Variants in EFHB observed in about 807,000 individuals in gnomAD.
EFHB encodes the protein EF-hand domain-containing family member B.
Under a neutral mutation model 87.2 loss-of-function variants are expected in EFHB, and 91 were observed. The ratio of observed to expected loss-of-function variants is 1.04; its 90% CI spans 0.88 to 1.24. The LOEUF (loss-of-function observed/expected upper bound fraction) is 1.24. Among genes scored for constraint, EFHB ranks in the 50% most tolerant of loss-of-function variants. The pLI, the probability that EFHB is intolerant of heterozygous loss-of-function variation, is 0.00. For missense variants in EFHB, 1,084 were observed against 998.8 expected, an observed-to-expected ratio of 1.09 and a Z score of -1.15; for synonymous variants, 325 against 333.6, an observed-to-expected ratio of 0.97 and a Z score of 0.28.
Position 19,879,716 on chromosome 3 carries a change from C to T in EFHB, c.2417G>A (p.Arg806Lys), listed in dbSNP as rs371981707. ...GATGTTCTCAACACAAACTTCTCCT[C>T]TGTGATGCTTTTTTGATGCAAGATT... ...VWNLASKKHH[R>K]GEVCVENIRN... The change falls in exon 13 of 13, where the codon AGA becomes AAA. Residue 806 changes from arginine to lysine, a missense_variant. Physicochemically the swap from Arg to Lys is conservative, Grantham distance 26. Transcript: ENST00000295824. 6.8e-6 allele frequency: 11 copies of T among 1,610,932 alleles called. No individual in the cohort carries two copies. The highest frequency in any genetic ancestry group is 9.3e-6 in the Non-Finnish European group (11 of 1,179,240).
chr3:19,913,359 A>G (rs1403474944), intron 5 of EFHB, among the ~76,000 whole-genome samples: 1 of 152,228 alleles, frequency 6.6e-6, no homozygotes, highest in Non-Finnish European at 1.5e-5. Flanking sequence ...TACAAGATAC[A>G]AAATAAACAT....
chr3:19,925,741 G>A (rs1270468848), intron 1 of EFHB, among the ~76,000 whole-genome samples: 1 of 152,084 alleles, frequency 6.6e-6, no homozygotes, highest in East Asian at 1.9e-4. Context: ...AGTCAACTCA[G>A]GAAGGTTGAT....
At chr3:19,902,653 A>G (rs766504050) in intron 6 of EFHB, among the ~76,000 whole-genome samples, 36 of 151,934 alleles carry the variant, frequency 2.4e-4, no homozygotes, top group Non-Finnish European at 4.9e-4. Flanking sequence ...TGCCCAGCCA[A>G]TAGAGATCCT....
intron 9 of EFHB, among the ~76,000 whole-genome samples, chr3:19,896,057 GAA>G (rs1694471517): frequency 1.3e-5 from 2 of 152,154 alleles, no homozygotes; most frequent in African/African-American, 4.8e-5. Flanking sequence ...GCTCCCCAGG[GAA>G]AAGACATTCT....
At chr3:19,945,960 A>G (rs757316365) in intron 1 of EFHB, 1 of 152,224 alleles carries the variant, frequency 6.6e-6, no homozygotes, top group Non-Finnish European at 1.5e-5. Flanking sequence ...AAGGAAAATC[A>G]ATTTAATATT....
chr3:19,882,719 C>A lies in EFHB; in HGVS notation c.2159G>T (p.Cys720Phe). Residue 720 changes from cysteine (C) to phenylalanine (F), a missense_variant, in exon 12 of 13, where the codon TGT becomes TTT. Physicochemically the swap from Cys to Phe is radical, Grantham distance 205. Transcript: ENST00000295824. ...GAIPSTCYPI[C>F]GVPTIRSDIP... is the part of the protein sequence containing the mutation. ...GTCAGATCGAATGGTTGGAACACCA[C>A]AAATGGGGTAACCTAGGTCATTGAT... 1 of 1,612,654 alleles carries A rather than the reference C, an allele frequency of 6.2e-7. No homozygotes were observed. The highest frequency in any genetic ancestry group is 8.5e-7 in the Non-Finnish European group (1 of 1,179,114).
chr3:19,932,740 T>G (rs1695871876), intron 1 of EFHB, among the ~76,000 whole-genome samples: 1 of 152,226 alleles, frequency 6.6e-6, no homozygotes. Flanking sequence ...CTGTCTCCAT[T>G]ACTGGAGTGA....
chr3:19,880,952 A>G (rs2071662184), intron 12 of EFHB, among the ~76,000 whole-genome samples: 1 of 152,210 alleles, frequency 6.6e-6, no homozygotes, highest in South Asian at 2.1e-4. Flanking sequence ...TTAGAAGCGA[A>G]TAGCCAAAGA....
In EFHB at chr3:19,933,357, C is replaced by T. The variant is rs781670027; in HGVS notation, c.662G>A (p.Cys221Tyr). The stretch of plus-strand genomic sequence containing the variant: ...CTGTTCATGTTGTTGGGCAAACTGG[C>T]ATTGGGGAGGTTCTATCACCAAGCC... ...QMGLVIEPPQ[C>Y]QFAQQHEQRK... The change falls in exon 1 of 13, where the codon TGC becomes TAC. Residue 221 changes from cysteine to tyrosine, a missense_variant. Physicochemically the swap from Cys to Tyr is radical, Grantham distance 194. Coordinates refer to ENST00000295824, the MANE Select transcript of EFHB (RefSeq NM_144715.4). 1 of 1,613,966 alleles carries T rather than the reference C, an allele frequency of 6.2e-7. No individual in the cohort carries two copies. Among genetic ancestry groups the T allele is most frequent in the East Asian group, 2.2e-5 (1 of 44,880 alleles).
upstream of EFHB, chr3:19,936,196 T>A (rs775136889): frequency 1.9e-6 from 2 of 1,076,268 alleles, no homozygotes; most frequent in South Asian, 1.3e-5. Context: ...ACGCCAAGAA[T>A]TCAATTAGCC....
intron 10 of EFHB, among the ~76,000 whole-genome samples, chr3:19,886,237 T>C (rs1694094730): frequency 6.6e-6 from 1 of 152,160 alleles, no homozygotes; most frequent in Non-Finnish European, 1.5e-5. Context: ...AAGATTCTGA[T>C]GCTTTCCTAG....
chr3:19,939,705 TC>T (rs1321920771), intron 1 of EFHB, among the ~76,000 whole-genome samples: 1 of 145,628 alleles, frequency 6.9e-6, no homozygotes, highest in Non-Finnish European at 1.5e-5. Flanking sequence ...TCTTTCATGC[TC>T]CCATAGCACC....
upstream of EFHB, among the ~76,000 whole-genome samples, chr3:19,937,797 T>C (rs1242396893): frequency 6.6e-6 from 1 of 152,126 alleles, no homozygotes; most frequent in African/African-American, 2.4e-5. Flanking sequence ...ATTTGTGGTA[T>C]TTTACCTAAC....
chr3:19,899,202 A>G (rs1326250636), intron 7 of EFHB, among the ~76,000 whole-genome samples: 1 of 152,218 alleles, frequency 6.6e-6, no homozygotes. Context: ...ATAATGCTTT[A>G]TGCAAAATTA....
Position 19,884,410 on chromosome 3 carries a change from A to G in EFHB, c.2139T>C (p.Pro713=). 6.2e-7 allele frequency: 1 copy of G among 1,613,014 alleles called. No individual in the cohort carries two copies. The highest frequency in any genetic ancestry group is 8.5e-7 in the Non-Finnish European group (1 of 1,179,546). ...GACAAATAAGTGACATACAAGTAGA[A>G]GGAATGGCTCCTACAATTGCATTGA... ...SEINAIVGAI[P]STCYPICGVP... The change falls in exon 11 of 13, where the codon CCT becomes CCC. Residue 713 remains proline (P), a synonymous_variant. Transcript: ENST00000295824.
chr3:19,940,802 T>G, intron 1 of EFHB: 1 of 367,898 alleles, frequency 2.7e-6, no homozygotes, highest in Non-Finnish European at 5.4e-6. Context: ...TGCCTGTGAG[T>G]TGAAACTTGC....
intron 1 of EFHB, chr3:19,940,561 A>G (rs1317896806): frequency 2.0e-6 from 1 of 500,392 alleles, no homozygotes; most frequent in East Asian, 5.6e-5. Flanking sequence ...ATAGGATTCA[A>G]GGGAATTCTT....
At chr3:19,893,054 C>G (rs1694357048) in intron 9 of EFHB, among the ~76,000 whole-genome samples, 1 of 151,716 alleles carries the variant, frequency 6.6e-6, no homozygotes, top group Non-Finnish European at 1.5e-5. Flanking sequence ...CAAGTTCAAG[C>G]AATCTCCTGC....
chr3:19,916,285 T>C (rs1695227951), intron 4 of EFHB, among the ~76,000 whole-genome samples: 1 of 151,702 alleles, frequency 6.6e-6, no homozygotes, highest in African/African-American at 2.4e-5. Flanking sequence ...GAGGCTGAGG[T>C]GGGTGGATCA....
Sources: allele counts gnomAD v4.1 joint callset (sites outside exome capture counted in the v4.1 genomes callset), GRCh38; gene constraint gnomAD v4.1.1; transcripts MANE v1.5; gene names NCBI Gene and HGNC (gene_info 2026-07-23, HGNC 2026-07-21).